CDH4: variants seen among roughly 807,000 people sequenced by gnomAD.
CDH4 encodes cadherin 4.
A neutral mutation model predicts 86.0 loss-of-function variants in CDH4; 33 were observed. The observed-to-expected ratio is 0.38, with a 90% CI of 0.29 to 0.51. CDH4 has a LOEUF of 0.51. Among genes scored for constraint, CDH4 ranks in the 20% least tolerant of loss-of-function variants. The pLI, the probability that CDH4 is intolerant of heterozygous loss-of-function variation, is 0.86. For synonymous variants in CDH4, 555 were observed against 549.4 expected (o/e 1.01, Z -0.14); for missense variants, 1,114 against 1,307.4 (o/e 0.85, Z 2.28).
At chr20:61,763,866 C>T (rs34408971) in intron 3 of CDH4, among the ~76,000 whole-genome samples, 8,340 of 152,286 alleles carry the variant, frequency 0.055, 295 homozygotes, top group Non-Finnish European at 0.078. Context: ...GATAACTTTT[C>T]GCATGTAGCT....
At chr20:61,777,708 AC>A (rs1356870177) in intron 4 of CDH4, among the ~76,000 whole-genome samples, 2 of 147,660 alleles carry the variant, frequency 1.4e-5, no homozygotes, top group African/African-American at 5.1e-5. Context: ...ACAAAAACAC[AC>A]ACCCACATGC....
At position 61,934,200 on chromosome 20, in the gene CDH4, A is replaced by G; in HGVS notation, c.2524A>G (p.Ile842Val). 1 of 1,570,810 alleles carries G rather than the reference A, an allele frequency of 6.4e-7. No homozygotes were observed. The highest frequency in any genetic ancestry group is 8.7e-7 in the Non-Finnish European group (1 of 1,153,618). Reference sequence around the variant, plus strand: ...GCCCATGGTGCCGCACCCAGGCGACATCGGTGACTTCATCAATGAGGTGTG... The same window carrying G: ...GCCCATGGTGCCGCACCCAGGCGACGTCGGTGACTTCATCAATGAGGTGTG... ...IRPMVPHPGD[I>V]GDFINEGLRA... The change falls in exon 15 of 16, where the codon ATC becomes GTC. Residue 842 changes from isoleucine to valine, a missense_variant. Around this residue, in one of 3 missense-constraint regions of CDH4, gnomAD observed 188 missense variants for 183.8 expected, o/e 1.02. Transcript: ENST00000614565.
Position 61,879,728 on chromosome 20 carries a change from C to T in CDH4, c.1050+5828C>T, listed in dbSNP as rs1033947110. Among the ~76,000 whole-genome samples the T allele has an allele frequency of 3.3e-5, 5 of 152,128 alleles. No homozygotes were observed. Among genetic ancestry groups the T allele is most frequent in the Non-Finnish European group, 7.4e-5 (5 of 68,022 alleles). On this transcript the variant is annotated intron_variant, in intron 7 of 15. Coordinates refer to ENST00000614565, the MANE Select transcript of CDH4 (RefSeq NM_001794.5). The surrounding 1 kb of genome is among the most constrained non-coding windows in gnomAD (Gnocchi z 4.1). ...GGTGAACGTGCCGCCCGAGCCCCGT[C>T]CTGAAGGTGAGAGTGGGCTCTGCAG...
At chr20:61,668,341 G>C (rs2145841781) in intron 2 of CDH4, among the ~76,000 whole-genome samples, 1 of 152,352 alleles carries the variant, frequency 6.6e-6, no homozygotes, top group South Asian at 2.1e-4. Flanking sequence ...TTTAGCCCAG[G>C]CTGCCCCGAA....
chr20:61,904,036 A>G (rs1042190105), intron 8 of CDH4, among the ~76,000 whole-genome samples: 4 of 152,096 alleles, frequency 2.6e-5, no homozygotes, highest in African/African-American at 9.7e-5. Context: ...GAGGCATCTG[A>G]GTGGCCGCCC....
intron 2 of CDH4, among the ~76,000 whole-genome samples, chr20:61,378,117 G>T (rs2084881938): frequency 6.6e-6 from 1 of 152,208 alleles, no homozygotes; most frequent in African/African-American, 2.4e-5. Context: ...AGCTGGGCAT[G>T]GTGGTGCACG....
intron 2 of CDH4, among the ~76,000 whole-genome samples, chr20:61,586,838 A>G (rs2086480112): frequency 6.6e-6 from 1 of 152,212 alleles, no homozygotes. Flanking sequence ...GAGTAATTAA[A>G]TAACAGTTCA....
intron 2 of CDH4, among the ~76,000 whole-genome samples, chr20:61,593,841 C>T (rs994657997): frequency 3.3e-5 from 5 of 151,374 alleles, no homozygotes; most frequent in African/African-American, 9.7e-5. Context: ...CTGTAACATT[C>T]GTTGAGGTGC....
At chr20:61,628,411 C>T (rs141814638) in intron 2 of CDH4, among the ~76,000 whole-genome samples, 1 of 152,250 alleles carries the variant, frequency 6.6e-6, no homozygotes, top group East Asian at 1.9e-4. Flanking sequence ...TTCCCCACTG[C>T]ACTTTGGGTT....
chr20:61,336,760 C>T (rs1180328293), intron 2 of CDH4, among the ~76,000 whole-genome samples: 1 of 152,204 alleles, frequency 6.6e-6, no homozygotes, highest in African/African-American at 2.4e-5. Flanking sequence ...GTAAGAGTCC[C>T]TGAGTCCTGG....
intron 2 of CDH4, among the ~76,000 whole-genome samples, chr20:61,447,659 G>T: frequency 7.3e-6 from 1 of 136,294 alleles, no homozygotes; most frequent in Non-Finnish European, 1.5e-5. Context: ...TTGAGATGGT[G>T]CATGGAAAAT....
intron 13 of CDH4, among the ~76,000 whole-genome samples, chr20:61,931,756 GT>G (rs889575497): frequency 3.3e-5 from 5 of 152,312 alleles, no homozygotes; most frequent in Admixed American, 6.5e-5. Flanking sequence ...GAGCAAGGCT[GT>G]TTAGGGGAGC....
At chr20:61,863,615 G>A (rs996954330) in intron 6 of CDH4, among the ~76,000 whole-genome samples, 17 of 152,274 alleles carry the variant, frequency 1.1e-4, no homozygotes, top group Admixed American at 3.3e-4. Context: ...CAGATCCTGC[G>A]TCACTGGAGA....
chr20:61,910,105 G>T (rs1211115880), intron 8 of CDH4, among the ~76,000 whole-genome samples: 1 of 152,212 alleles, frequency 6.6e-6, no homozygotes, highest in African/African-American at 2.4e-5. Flanking sequence ...GGCTGACACG[G>T]TGTGTTCTGT....
chr20:61,552,259 C>T (rs889586377), intron 2 of CDH4, among the ~76,000 whole-genome samples: 1 of 152,134 alleles, frequency 6.6e-6, no homozygotes, highest in African/African-American at 2.4e-5. Flanking sequence ...ATATAAAGAA[C>T]TCTTACAACT....
At chr20:61,844,849 T>G in intron 5 of CDH4, 26 bp downstream of exon 5, 3 of 1,588,370 alleles carry the variant, frequency 1.9e-6, no homozygotes, top group Non-Finnish European at 2.6e-6. Flanking sequence ...CGGCTGAGAA[T>G]GGGGCCCTGG....
chr20:61,399,908 C>T (rs1471818448), intron 2 of CDH4, among the ~76,000 whole-genome samples: 12 of 152,328 alleles, frequency 7.9e-5, no homozygotes, highest in South Asian at 4.1e-4. Flanking sequence ...GTGGTTCTCA[C>T]GCACTCCTGC....
chr20:61,294,178 C>T (rs1247031377), intron 2 of CDH4, among the ~76,000 whole-genome samples: 1 of 152,210 alleles, frequency 6.6e-6, no homozygotes, highest in East Asian at 1.9e-4. Flanking sequence ...CTCCCTGATC[C>T]TGCCGGCATC....
rs548738795 is a variant in CDH4, at chr20:61,602,007, A to T, written c.170-141556A>T. On this transcript the variant is annotated intron_variant, in intron 2 of 15. Transcript: ENST00000614565. Reference sequence around the variant, plus strand: ...ACAGTGCCGCCCAGAGCCAAGCTGCAGGACGCCAAGGTAGGGGCTGGCAAA... The same window carrying T: ...ACAGTGCCGCCCAGAGCCAAGCTGCTGGACGCCAAGGTAGGGGCTGGCAAA... 3.9e-5 allele frequency among the ~76,000 whole-genome samples: 6 copies of T among 152,358 alleles called. No individual in the cohort carries two copies. In the South Asian group the frequency reaches 1.2e-3, roughly 32 times the overall value.
Sources: allele counts gnomAD v4.1 joint callset (sites outside exome capture counted in the v4.1 genomes callset), GRCh38; gene constraint gnomAD v4.1.1; regional missense constraint gnomAD v4.1.1; non-coding constraint Gnocchi (gnomAD v3.1); transcripts MANE v1.5; gene names NCBI Gene and HGNC (gene_info 2026-07-23, HGNC 2026-07-21).